KDELR3: variants seen among roughly 807,000 people sequenced by gnomAD.
KDELR3 encodes KDEL endoplasmic reticulum protein retention receptor 3, also known as ER lumen protein-retaining receptor 3.
In KDELR3, 26 loss-of-function variants were observed where a neutral mutation model predicts 22.7. The observed-to-expected ratio is 1.15, with a 90% CI of 0.84 to 1.59. KDELR3 has a LOEUF of 1.59. KDELR3 is among the 40% of genes most tolerant of loss of function. The pLI is 0.00. For missense variants in KDELR3, 289 were observed against 251.1 expected, an observed-to-expected ratio of 1.15 and a Z score of -1.02; for synonymous variants, 120 against 98.2, an observed-to-expected ratio of 1.22 and a Z score of -1.31.
At position 38,471,978 on chromosome 22, in the gene KDELR3, A is replaced by T. The variant is rs150328189; in HGVS notation, c.92-2545A>T. ...GACCCTGCCTCACAAAAAAAGAAAA[A>T]AAAATGTTCTCCCACCCCAAATGTC... On this transcript the variant is annotated intron_variant, in intron 1 of 4. Coordinates refer to ENST00000216014, the MANE Select transcript of KDELR3 (RefSeq NM_006855.4). Among the ~76,000 whole-genome samples the T allele has an allele frequency of 2.0e-3, 300 of 150,604 alleles. 2 individuals carry two copies. Among genetic ancestry groups the T allele is most frequent in the African/African-American group, 7.2e-3 (295 of 40,992 alleles).
chr22:38,478,167 A>T (rs1264367983), intron 2 of KDELR3, among the ~76,000 whole-genome samples: 3 of 150,058 alleles, frequency 2.0e-5, no homozygotes, highest in African/African-American at 7.6e-5. Context: ...AAATAACTCC[A>T]AATAGGAGTA....
At chr22:38,470,225 G>C (rs757822413) in intron 1 of KDELR3, among the ~76,000 whole-genome samples, 1 of 151,634 alleles carries the variant, frequency 6.6e-6, no homozygotes, top group Non-Finnish European at 1.5e-5. Context: ...CCAGGTTCAA[G>C]CTATTCTCCT....
chr22:38,472,694 T>G (rs2089532537), intron 1 of KDELR3, among the ~76,000 whole-genome samples: 1 of 152,040 alleles, frequency 6.6e-6, no homozygotes, highest in East Asian at 1.9e-4. Flanking sequence ...GATGTTTTTT[T>G]GTTTTGTTTT....
chr22:38,475,752 G>C (rs951157779), intron 2 of KDELR3, among the ~76,000 whole-genome samples: 2 of 152,136 alleles, frequency 1.3e-5, no homozygotes, highest in African/African-American at 4.8e-5. Context: ...TTGTGCCTCA[G>C]CCTCCCAAGT....
intron 1 of KDELR3, among the ~76,000 whole-genome samples, chr22:38,468,885 C>T (rs1364766351): frequency 1.3e-5 from 2 of 152,208 alleles, no homozygotes; most frequent in Admixed American, 6.5e-5. Context: ...GAGGGGTCCC[C>T]TGTTTGCATT....
intron 1 of KDELR3, among the ~76,000 whole-genome samples, chr22:38,471,888 T>G (rs988858215): frequency 2.1e-4 from 32 of 151,758 alleles, no homozygotes; most frequent in African/African-American, 6.8e-4. Flanking sequence ...CATCCGAGCC[T>G]GGGAGGTTGA....
intron 2 of KDELR3, among the ~76,000 whole-genome samples, chr22:38,477,319 C>G (rs1197579871): frequency 1.3e-5 from 2 of 151,996 alleles, no homozygotes; most frequent in African/African-American, 4.8e-5. Context: ...ATTCTCCTGC[C>G]TCAGCCTCCT....
intron 3 of KDELR3, 31 bp from the exon 4 acceptor site, chr22:38,481,181 T>C: frequency 6.3e-7 from 1 of 1,584,670 alleles, no homozygotes; most frequent in Non-Finnish European, 8.6e-7. Context: ...TTGGTCTTGC[T>C]CAGTCTCTGG....
chr22:38,481,665 G>A, intron 4 of KDELR3: 1 of 1,414,528 alleles, frequency 7.1e-7, no homozygotes, highest in Non-Finnish European at 9.2e-7. Flanking sequence ...TGTGTACTAT[G>A]CAAGACAGCT....
intron 1 of KDELR3, among the ~76,000 whole-genome samples, chr22:38,472,814 C>T (rs2089533497): frequency 6.6e-6 from 1 of 152,162 alleles, no homozygotes; most frequent in Non-Finnish European, 1.5e-5. Context: ...ATTCTCCTGC[C>T]TCAGCCTCCC....
In KDELR3 at chr22:38,482,559, C is replaced by T; in HGVS notation, c.*23C>T. 6.3e-7 allele frequency: 1 copy of T among 1,594,072 alleles called. No individual in the cohort carries two copies. The highest frequency in any genetic ancestry group is 1.1e-5 in the South Asian group (1 of 90,580). The stretch of plus-strand genomic sequence containing the variant: ...TGAGGACCTTCAGAGACAGTCTACG[C>T]CTTAACAAGCACATGAAGGAAACTA... On this transcript the variant is annotated 3_prime_UTR_variant, in exon 5 of 5. Coordinates refer to ENST00000216014, the MANE Select transcript of KDELR3 (RefSeq NM_006855.4).
intron 2 of KDELR3, among the ~76,000 whole-genome samples, chr22:38,476,852 AGT>A (rs2089562988): frequency 7.4e-6 from 1 of 135,438 alleles, no homozygotes; most frequent in African/African-American, 2.8e-5. Context: ...TTTGAGACAG[AGT>A]GGAGTGCAGT....
intron 2 of KDELR3, among the ~76,000 whole-genome samples, chr22:38,477,324 C>A (rs1909386604): frequency 6.6e-6 from 1 of 151,994 alleles, no homozygotes; most frequent in South Asian, 2.1e-4. Context: ...CCTGCCTCAG[C>A]CTCCTGAGTA....
chr22:38,481,542 C>A, intron 4 of KDELR3, 78 bp downstream of exon 4: 1 of 1,593,698 alleles, frequency 6.3e-7, no homozygotes, highest in Non-Finnish European at 8.6e-7. Flanking sequence ...CCAGCAGATA[C>A]AGATGTGAAC....
intron 1 of KDELR3, among the ~76,000 whole-genome samples, chr22:38,470,914 C>T (rs1461750617): frequency 2.6e-5 from 4 of 152,090 alleles, no homozygotes; most frequent in Non-Finnish European, 4.4e-5. Flanking sequence ...GATGCCAAGG[C>T]GGGTAGATCA....
At chr22:38,474,063 C>T (rs2089541808) in intron 1 of KDELR3, among the ~76,000 whole-genome samples, 1 of 152,188 alleles carries the variant, frequency 6.6e-6, no homozygotes, top group African/African-American at 2.4e-5. Flanking sequence ...CTGAACCTTC[C>T]TCTGCCTGCT....
intron 3 of KDELR3, among the ~76,000 whole-genome samples, chr22:38,480,267 C>T (rs2089590255): frequency 6.6e-6 from 1 of 152,012 alleles, no homozygotes; most frequent in Non-Finnish European, 1.5e-5. Flanking sequence ...TCTCAGCTTC[C>T]CAAGTAACTG....
chr22:38,480,636 T>C (rs1264736349), intron 3 of KDELR3, among the ~76,000 whole-genome samples: 1 of 151,462 alleles, frequency 6.6e-6, no homozygotes, highest in Non-Finnish European at 1.5e-5. Flanking sequence ...GCCTGTAGTC[T>C]CAGCTACTCG....
intron 1 of KDELR3, among the ~76,000 whole-genome samples, chr22:38,470,656 C>T (rs2089519223): frequency 6.6e-6 from 1 of 152,116 alleles, no homozygotes; most frequent in Non-Finnish European, 1.5e-5. Flanking sequence ...CGCTGTGTGA[C>T]CCTGGGCCTG....
Sources: gnomAD v4.1 joint callset for allele counts (sites outside exome capture counted in the v4.1 genomes callset) on GRCh38, gnomAD v4.1.1 for gene constraint, MANE v1.5 for transcripts, NCBI Gene and HGNC (gene_info 2026-07-23, HGNC 2026-07-21) for gene names.